The following STK33 variants were observed in gnomAD, a reference collection of about 807,000 sequenced individuals.
The protein encoded by STK33 is serine/threonine kinase 33.
Under a neutral mutation model 58.0 loss-of-function variants are expected in STK33, and 52 were observed. The ratio of observed to expected loss-of-function variants is 0.90; its 90% CI spans 0.72 to 1.13. The LOEUF (loss-of-function observed/expected upper bound fraction) is 1.13. STK33 is among the 50% of genes most tolerant of loss of function. STK33 has a pLI of 0.00. For missense variants in STK33, 630 were observed against 604.2 expected (o/e 1.04, Z -0.45); for synonymous variants, 215 against 200.1 (o/e 1.07, Z -0.63).
intron 1 of STK33, among the ~76,000 whole-genome samples, chr11:8,518,867 C>T (rs1245184084): frequency 2.0e-5 from 3 of 152,188 alleles, no homozygotes; most frequent in African/African-American, 7.2e-5. Flanking sequence ...TATGAAGAGA[C>T]TTAGACTCCC....
intron 1 of STK33, among the ~76,000 whole-genome samples, chr11:8,528,737 G>A (rs1237196224): frequency 3.3e-5 from 5 of 152,134 alleles, no homozygotes; most frequent in African/African-American, 9.7e-5. Context: ...ATGTGCACAC[G>A]CTTTTCACCT....
At chr11:8,464,982 A>G (rs1948005186) in intron 6 of STK33, 160 bp from the exon 7 acceptor site, 1 of 443,494 alleles carries the variant, frequency 2.3e-6, no homozygotes, top group African/African-American at 2.0e-5. Flanking sequence ...ATTAATAAAC[A>G]CATCTTAATT....
At chr11:8,515,708 T>C (rs117618918) in intron 1 of STK33, among the ~76,000 whole-genome samples, 8,083 of 152,238 alleles carry the variant, frequency 0.053, 286 homozygotes, top group Non-Finnish European at 0.071. Context: ...TGATACACCA[T>C]ATTAACAGAA....
chr11:8,385,845 A>G, the STK33 span, among the ~76,000 whole-genome samples: 2 of 148,732 alleles, frequency 1.3e-5, no homozygotes, highest in African/African-American at 2.5e-5. Flanking sequence ...CGCTATCTCC[A>G]CTCACTGCAA....
chr11:8,354,658 T>C, the STK33 span, among the ~76,000 whole-genome samples: 1,591 of 152,290 alleles, frequency 0.01, 25 homozygotes, highest in African/African-American at 0.037. Context: ...AAGTCCAGAA[T>C]GCTGTGAACA....
chr11:8,396,742 G>T (rs1190362032), intron 15 of STK33, among the ~76,000 whole-genome samples: 1 of 152,210 alleles, frequency 6.6e-6, no homozygotes, highest in East Asian at 1.9e-4. Context: ...ATGGCACTTG[G>T]AAAATCGGGT....
chr11:8,576,409 A>G (rs1392542494), intron 1 of STK33, among the ~76,000 whole-genome samples: 2 of 152,210 alleles, frequency 1.3e-5, no homozygotes, highest in Admixed American at 6.5e-5. Flanking sequence ...GATGTTCATG[A>G]AACCATCTAA....
At chr11:8,357,256 A>C in the STK33 span, among the ~76,000 whole-genome samples, 528 of 152,312 alleles carry the variant, frequency 3.5e-3, 3 homozygotes, top group African/African-American at 0.011. Context: ...GCGCGATTAC[A>C]CATTCTCTGC....
intron 1 of STK33, among the ~76,000 whole-genome samples, chr11:8,582,844 A>G (rs889516554): frequency 6.6e-6 from 1 of 152,208 alleles, no homozygotes; most frequent in South Asian, 2.1e-4. Context: ...AGCAAACCCT[A>G]CAGTGGAGAA....
the STK33 span, among the ~76,000 whole-genome samples, chr11:8,354,517 C>CACACACACACACACACACACA: frequency 2.5e-4 from 37 of 146,310 alleles, no homozygotes; most frequent in Non-Finnish European, 5.0e-4. Flanking sequence ...CACACACACA[C>CACACACACACACACACACACA]CCCTCAGACA....
intron 15 of STK33, among the ~76,000 whole-genome samples, chr11:8,403,875 T>C (rs985829614): frequency 1.3e-5 from 2 of 152,236 alleles, no homozygotes; most frequent in Non-Finnish European, 2.9e-5. Context: ...CTGTAAGCTC[T>C]AGGCATATCC....
chr11:8,559,615 T>C (rs551045259), intron 1 of STK33, among the ~76,000 whole-genome samples: 1 of 152,286 alleles, frequency 6.6e-6, no homozygotes, highest in African/African-American at 2.4e-5. Context: ...CATAATTTTA[T>C]TCCCAGAATA....
At chr11:8,399,361 A>G (rs984322621) in intron 15 of STK33, among the ~76,000 whole-genome samples, 41 of 151,008 alleles carry the variant, frequency 2.7e-4, no homozygotes, top group Admixed American at 1.7e-3. Flanking sequence ...CTGCTCCTGA[A>G]TGACTACTGG....
chr11:8,409,131 CTATT>C (rs1170554927), intron 15 of STK33, among the ~76,000 whole-genome samples: 1 of 152,178 alleles, frequency 6.6e-6, no homozygotes, highest in Non-Finnish European at 1.5e-5. Context: ...TTGAGGCCAC[CTATT>C]TAACTCTTTT....
Position 8,396,017 on chromosome 11 carries a change from C to T in STK33, c.1345-3307G>A, listed in dbSNP as rs1037207970. On this transcript the variant is annotated intron_variant, in intron 15 of 15. Coordinates refer to ENST00000687296, the MANE Select transcript of STK33 (RefSeq NM_001352389.2). ...TAATTGAGCTCCAAAATCAGCCTAACGCTGGCTACCCCGAAACAAATCACA... is the reference window on the plus strand; with the variant it reads ...TAATTGAGCTCCAAAATCAGCCTAATGCTGGCTACCCCGAAACAAATCACA... Among the ~76,000 whole-genome samples, 11 of 152,184 alleles carry T rather than the reference C, an allele frequency of 7.2e-5. No homozygotes were observed. The East Asian group carries it at 1.2e-3, about 16-fold the overall frequency.
At chr11:8,407,590 T>A (rs935846251) in intron 15 of STK33, among the ~76,000 whole-genome samples, 2 of 152,058 alleles carry the variant, frequency 1.3e-5, no homozygotes, top group African/African-American at 4.8e-5. Context: ...GACCATTTCA[T>A]ATAAATTTCT....
chr11:8,561,894 T>C (rs929033373), intron 1 of STK33, among the ~76,000 whole-genome samples: 1 of 152,194 alleles, frequency 6.6e-6, no homozygotes, highest in African/African-American at 2.4e-5. Flanking sequence ...AGGGCTATTT[T>C]TCTTTTGTCT....
Position 8,392,236 on chromosome 11 carries a change from C to T in STK33, c.*274G>A, listed in dbSNP as rs918302363. ...CACAGCCTTAAATTGAAGGTATCTG[C>T]CCCCCTAAAAAACCTTCGTGTACAT... On this transcript the variant is annotated 3_prime_UTR_variant, in exon 16 of 16. Coordinates refer to ENST00000687296, the MANE Select transcript of STK33 (RefSeq NM_001352389.2). 8 of 450,694 alleles carry T rather than the reference C, an allele frequency of 1.8e-5. No individual in the cohort carries two copies. Among genetic ancestry groups the T allele is most frequent in the African/African-American group, 1.6e-4 (8 of 51,092 alleles). 27.9% of individuals were successfully genotyped at this position (450,694 alleles called of 1,614,324 possible). A position where few individuals can be genotyped will look rare whatever the true frequency, so the allele number is the denominator to read the frequency against.
chr11:8,590,041 A>C (rs2032347093), intron 1 of STK33, among the ~76,000 whole-genome samples: 1 of 152,348 alleles, frequency 6.6e-6, no homozygotes, highest in South Asian at 2.1e-4. Flanking sequence ...CCTCAGATGC[A>C]CTGCCTTTGG....
Sources: allele counts gnomAD v4.1 joint callset (sites outside exome capture counted in the v4.1 genomes callset), GRCh38; gene constraint gnomAD v4.1.1; transcripts MANE v1.5; gene names NCBI Gene and HGNC (gene_info 2026-07-23, HGNC 2026-07-21).